Variants in CPNE4 observed in about 807,000 individuals in gnomAD.
CPNE4 encodes the protein copine 4.
Under a neutral mutation model 67.9 loss-of-function variants are expected in CPNE4, and 25 were observed. The ratio of observed to expected loss-of-function variants is 0.37; its 90% CI spans 0.27 to 0.51. The LOEUF (loss-of-function observed/expected upper bound fraction) is 0.51. Ranked by LOEUF, CPNE4 falls within the 20% of genes least tolerant of loss-of-function variation. CPNE4 has a pLI of 0.93. For synonymous variants in CPNE4, 242 were observed against 244.9 expected (o/e 0.99, Z 0.11); for missense variants, 464 against 690.8 (o/e 0.67, Z 3.68).
chr3:131,651,201 A>G (rs902842945), intron 7 of CPNE4, among the ~76,000 whole-genome samples: 1 of 152,158 alleles, frequency 6.6e-6, no homozygotes, highest in Non-Finnish European at 1.5e-5. Flanking sequence ...CTTTCTTCCC[A>G]TACATAATTT....
intron 1 of CPNE4, among the ~76,000 whole-genome samples, chr3:131,915,256 C>T (rs1451133908): frequency 1.3e-5 from 2 of 152,132 alleles, no homozygotes; most frequent in Non-Finnish European, 2.9e-5. Flanking sequence ...CTTTTTAGAC[C>T]ATGCCAAGGC....
chr3:131,942,447 TGTGTGTGTGTGTGTGTGAGAGA>T (rs1560642423), intron 1 of CPNE4, among the ~76,000 whole-genome samples: 3 of 61,270 alleles, frequency 4.9e-5, no homozygotes, highest in East Asian at 8.0e-4. Flanking sequence ...TGTGTGTGTG[TGTGTGTGTGTGTGTGTGAGAGA>T]GAGAGAGAGA....
chr3:131,901,338 A>G (rs919789186), intron 2 of CPNE4, among the ~76,000 whole-genome samples: 1 of 152,076 alleles, frequency 6.6e-6, no homozygotes, highest in African/African-American at 2.4e-5. Flanking sequence ...ATTACACTTA[A>G]CTGTCACCAT....
chr3:131,643,355 G>C (rs2079583683), intron 7 of CPNE4, among the ~76,000 whole-genome samples: 2 of 152,188 alleles, frequency 1.3e-5, no homozygotes, highest in African/African-American at 4.8e-5. Context: ...TTTGGATTTT[G>C]GACTTGCATG....
chr3:131,936,639 G>A (rs987490200), intron 1 of CPNE4, among the ~76,000 whole-genome samples: 27 of 135,374 alleles, frequency 2.0e-4, no homozygotes, highest in African/African-American at 7.7e-4. Flanking sequence ...TTTTTAAAAT[G>A]TGGAAAAGAG....
intron 1 of CPNE4, among the ~76,000 whole-genome samples, chr3:131,944,901 T>G (rs1040122052): frequency 6.6e-6 from 1 of 152,180 alleles, no homozygotes; most frequent in African/African-American, 2.4e-5. Flanking sequence ...TCAACACATG[T>G]GCACACCCCA....
At position 131,688,900 on chromosome 3, in the gene CPNE4, AT is replaced by A. The variant is rs2080961015; in HGVS notation, c.508-2943del. Reference sequence around the variant, plus strand: ...ATTTTGTAATCATGATCTATGTACAATTTAGTACCCTATTTCTTTTGCTTGT... The same window carrying A: ...ATTTTGTAATCATGATCTATGTACAATTAGTACCCTATTTCTTTTGCTTGT... On this transcript the variant is annotated intron_variant, in intron 5 of 15. Coordinates refer to ENST00000429747, the MANE Select transcript of CPNE4 (RefSeq NM_130808.3). 2.6e-5 allele frequency among the ~76,000 whole-genome samples: 4 copies of A among 152,274 alleles called. 1 individual carries two copies. The South Asian group carries it at 8.3e-4, about 32-fold the overall frequency.
chr3:131,647,231 C>A (rs1449630505), intron 7 of CPNE4, among the ~76,000 whole-genome samples: 1 of 152,182 alleles, frequency 6.6e-6, no homozygotes, highest in Non-Finnish European at 1.5e-5. Flanking sequence ...TTAAGCCTTT[C>A]CTTTTAGAAT....
chr3:131,882,929 G>T (rs2087737017), intron 2 of CPNE4, among the ~76,000 whole-genome samples: 3 of 152,026 alleles, frequency 2.0e-5, no homozygotes, highest in African/African-American at 7.2e-5. Context: ...ATGTTAGCCA[G>T]GATGGTCTCG....
chr3:131,768,331 A>C (rs1287406890), intron 2 of CPNE4, among the ~76,000 whole-genome samples: 1 of 152,150 alleles, frequency 6.6e-6, no homozygotes, highest in Non-Finnish European at 1.5e-5. Flanking sequence ...TAAACTGCAT[A>C]CAGCAGAGAC....
At chr3:131,716,312 G>A (rs2081685225) in intron 3 of CPNE4, among the ~76,000 whole-genome samples, 5 of 151,732 alleles carry the variant, frequency 3.3e-5, no homozygotes, top group Admixed American at 3.3e-4. Flanking sequence ...TTCCTTTAGG[G>A]CCTTAACTGT....
At position 131,946,741 on chromosome 3, in the gene CPNE4, A is replaced by G. The variant is rs549302117; in HGVS notation, c.-1-41297T>C. Among the ~76,000 whole-genome samples, 19 of 152,154 alleles carry G rather than the reference A, an allele frequency of 1.2e-4. No individual in the cohort carries two copies. In the South Asian group the frequency reaches 2.5e-3, roughly 20 times the overall value. Reference sequence around the variant, plus strand: ...AAGTTTTTAAATTTTGATAAATCCTAATTTGTTTACTTTGTTTAGTTCATC... The same window carrying G: ...AAGTTTTTAAATTTTGATAAATCCTGATTTGTTTACTTTGTTTAGTTCATC... On this transcript the variant is annotated intron_variant, in intron 1 of 15. Transcript: ENST00000429747.
intron 10 of CPNE4, among the ~76,000 whole-genome samples, chr3:131,572,296 G>C (rs1416359181): frequency 6.6e-6 from 1 of 152,084 alleles, no homozygotes; most frequent in African/African-American, 2.4e-5. Context: ...TGTGGAAAAG[G>C]TTAATGGAAA....
At chr3:131,891,346 T>G (rs185810941) in intron 2 of CPNE4, among the ~76,000 whole-genome samples, 48 of 152,172 alleles carry the variant, frequency 3.2e-4, no homozygotes, top group African/African-American at 1.1e-3. Context: ...TTAAAATATA[T>G]TTTAGAAAAT....
chr3:131,597,151 T>C (rs568946329), intron 7 of CPNE4, among the ~76,000 whole-genome samples: 3 of 152,264 alleles, frequency 2.0e-5, no homozygotes, highest in African/African-American at 7.2e-5. Context: ...ACTGAACAGA[T>C]GAAGAAACTA....
intron 2 of CPNE4, among the ~76,000 whole-genome samples, chr3:131,885,868 A>C (rs1259561887): frequency 2.6e-5 from 4 of 152,248 alleles, no homozygotes; most frequent in Non-Finnish European, 5.9e-5. Flanking sequence ...AGCATTCAAA[A>C]GGTGACGTAG....
chr3:131,667,238 A>G (rs11926301), intron 7 of CPNE4, among the ~76,000 whole-genome samples: 50,170 of 151,886 alleles, frequency 0.33, 8,664 homozygotes, highest in African/African-American at 0.4. Flanking sequence ...TTAATCTTAC[A>G]TGTTCATTCT....
chr3:131,836,118 A>G (rs764850140), intron 2 of CPNE4, among the ~76,000 whole-genome samples: 4 of 152,216 alleles, frequency 2.6e-5, no homozygotes, highest in Admixed American at 6.5e-5. Context: ...TCTGGGTAGC[A>G]GTGCACAAGT....
intron 2 of CPNE4, among the ~76,000 whole-genome samples, chr3:131,728,936 G>A (rs1445015800): frequency 6.6e-6 from 1 of 151,346 alleles, no homozygotes. Flanking sequence ...TGGCTTGTGT[G>A]CGGGGCAATG....
Sources: allele counts gnomAD v4.1 joint callset (sites outside exome capture counted in the v4.1 genomes callset), GRCh38; gene constraint gnomAD v4.1.1; transcripts MANE v1.5; gene names NCBI Gene and HGNC (gene_info 2026-07-23, HGNC 2026-07-21).